Variants in NBAS observed in about 807,000 individuals in gnomAD.
NBAS encodes NAG/BC035112 fusion.
NBAS carries 219 observed loss-of-function variants against 302.5 expected under a neutral mutation model. The observed-to-expected ratio is 0.72, with a 90% CI of 0.65 to 0.81. The LOEUF (loss-of-function observed/expected upper bound fraction) is 0.81, where lower values mean the gene tolerates loss of function less well. NBAS is among the 30% of genes least tolerant of loss of function. The pLI is 0.00. For synonymous variants in NBAS, 1,118 were observed against 1,021.6 expected, an observed-to-expected ratio of 1.09 and a Z score of -1.80; for missense variants, 2,932 against 2,841.6, an observed-to-expected ratio of 1.03 and a Z score of -0.72.
chr2:15,457,561 T>C (rs1004476458), intron 21 of NBAS, among the ~76,000 whole-genome samples: 2 of 152,218 alleles, frequency 1.3e-5, no homozygotes, highest in Non-Finnish European at 2.9e-5. Context: ...CATGATGCTG[T>C]AACAGGAAGT....
rs1266947809 is a variant in NBAS, at chr2:15,556,792, A to AT, written c.199dup (p.Ile67AsnfsTer12). The AT allele has an allele frequency of 1.2e-6, 2 of 1,610,652 alleles. No individual in the cohort carries two copies. Among genetic ancestry groups the AT allele is most frequent in the African/African-American group, 2.7e-5 (2 of 74,832 alleles). On this transcript the variant is annotated frameshift_variant, in exon 3 of 52. Coordinates refer to ENST00000281513, the MANE Select transcript of NBAS (RefSeq NM_015909.4). LOFTEE classifies it high-confidence loss of function. ...AGAACCGAAGACTCACCTGTACCAG[A>AT]TGTATTGGCGTAAAAATAATAAACG...
At chr2:15,160,592 AGG>A in the NBAS span, among the ~76,000 whole-genome samples, 299 of 56,566 alleles carry the variant, frequency 5.3e-3, 8 homozygotes, top group African/African-American at 0.014. Context: ...GGGCGGGGGG[AGG>A]GGGGGGGGCA....
the NBAS span, among the ~76,000 whole-genome samples, chr2:14,862,871 AG>A: frequency 6.6e-6 from 1 of 152,182 alleles, no homozygotes; most frequent in Non-Finnish European, 1.5e-5. Flanking sequence ...TCAGGGACTC[AG>A]GTTTCTCCCA....
At chr2:15,539,770 C>A (rs1663708564) in intron 6 of NBAS, among the ~76,000 whole-genome samples, 1 of 152,152 alleles carries the variant, frequency 6.6e-6, no homozygotes, top group South Asian at 2.1e-4. Context: ...GCAACTTGAT[C>A]TTTTAAATAC....
At chr2:15,446,317 C>G (rs926518598) in intron 21 of NBAS, among the ~76,000 whole-genome samples, 4 of 152,016 alleles carry the variant, frequency 2.6e-5, no homozygotes, top group Non-Finnish European at 5.9e-5. Context: ...GAAAACAAGA[C>G]ACATCATGCA....
At chr2:15,131,925 G>GA in the NBAS span, among the ~76,000 whole-genome samples, 1 of 152,128 alleles carries the variant, frequency 6.6e-6, no homozygotes, top group Non-Finnish European at 1.5e-5. Context: ...GATCATGCAA[G>GA]AACTCACTCA....
the NBAS span, among the ~76,000 whole-genome samples, chr2:14,789,431 T>C: frequency 6.6e-6 from 1 of 152,196 alleles, no homozygotes; most frequent in African/African-American, 2.4e-5. Flanking sequence ...GCGTCGCTCA[T>C]GCTGGGAGCT....
chr2:15,386,261 T>C (rs540374065), intron 28 of NBAS, among the ~76,000 whole-genome samples: 1 of 152,264 alleles, frequency 6.6e-6, no homozygotes, highest in South Asian at 2.1e-4. Context: ...GAAGGAGAAT[T>C]CAATTAAGCT....
intron 27 of NBAS, among the ~76,000 whole-genome samples, chr2:15,395,045 A>G (rs1451259170): frequency 1.3e-5 from 2 of 152,084 alleles, no homozygotes; most frequent in African/African-American, 4.8e-5. Flanking sequence ...TAAAACATTT[A>G]TCAAGTGTCT....
At chr2:15,162,869 G>C (rs947551208), downstream of NBAS, among the ~76,000 whole-genome samples, 3 of 152,214 alleles carry the variant, frequency 2.0e-5, no homozygotes, top group African/African-American at 4.8e-5. Flanking sequence ...TTAGACTACT[G>C]AGCTGCTGCA....
chr2:14,955,684 C>T, the NBAS span, among the ~76,000 whole-genome samples: 3 of 152,214 alleles, frequency 2.0e-5, no homozygotes, highest in Admixed American at 6.5e-5. Flanking sequence ...GGCTTGCACC[C>T]TCTGAAGCAA....
At chr2:14,857,099 A>C in the NBAS span, among the ~76,000 whole-genome samples, 14 of 152,334 alleles carry the variant, frequency 9.2e-5, no homozygotes, top group East Asian at 2.3e-3. Context: ...TTAAATACCT[A>C]GGAATTAACA....
chr2:14,975,681 G>C, the NBAS span, among the ~76,000 whole-genome samples: 424 of 152,224 alleles, frequency 2.8e-3, 3 homozygotes, highest in South Asian at 0.014. Context: ...AGCTCTACCA[G>C]CTTCCTGCAG....
chr2:14,878,081 A>G, the NBAS span, among the ~76,000 whole-genome samples: 1 of 152,190 alleles, frequency 6.6e-6, no homozygotes, highest in Non-Finnish European at 1.5e-5. Flanking sequence ...GTTCAACTAC[A>G]GCGTGCCAGG....
the NBAS span, among the ~76,000 whole-genome samples, chr2:14,784,581 TC>T: frequency 6.6e-6 from 1 of 152,210 alleles, no homozygotes; most frequent in Non-Finnish European, 1.5e-5. Context: ...GGGAATCCTT[TC>T]CCCATTGCTT....
chr2:14,794,595 C>T, the NBAS span, among the ~76,000 whole-genome samples: 2 of 152,152 alleles, frequency 1.3e-5, no homozygotes, highest in Non-Finnish European at 2.9e-5. Context: ...TTAAAAACTG[C>T]TTTATTGGGT....
intron 40 of NBAS, among the ~76,000 whole-genome samples, chr2:15,297,841 G>A (rs1670619995): frequency 6.6e-6 from 1 of 151,876 alleles, no homozygotes; most frequent in African/African-American, 2.4e-5. Flanking sequence ...CTCCTCTCAT[G>A]CCATATATAT....
chr2:15,224,542 G>A (rs1355940876), intron 47 of NBAS, among the ~76,000 whole-genome samples: 1 of 152,178 alleles, frequency 6.6e-6, no homozygotes, highest in Admixed American at 6.5e-5. Flanking sequence ...TTGCATAGTA[G>A]ATGCCAATGT....
chr2:15,275,378 G>A (rs1300597333), intron 44 of NBAS, 106 bp downstream of exon 44: 2 of 1,289,388 alleles, frequency 1.6e-6, no homozygotes, highest in African/African-American at 1.5e-5. Flanking sequence ...AAGCCAACAT[G>A]TAATTATTTT....
Sources: allele counts gnomAD v4.1 joint callset (sites outside exome capture counted in the v4.1 genomes callset), GRCh38; gene constraint gnomAD v4.1.1; transcripts MANE v1.5; gene names NCBI Gene and HGNC (gene_info 2026-07-23, HGNC 2026-07-21).